The following PHLDB2 variants were observed in gnomAD, a reference collection of about 807,000 sequenced individuals.
The protein encoded by PHLDB2 is pleckstrin homology like domain family B member 2.
Under a neutral mutation model 123.6 loss-of-function variants are expected in PHLDB2, and 71 were observed. The observed-to-expected ratio is 0.57, with a 90% CI of 0.47 to 0.70. PHLDB2 has a LOEUF of 0.70. PHLDB2 is among the 30% of genes least tolerant of loss of function. PHLDB2 has a pLI of 0.00. For synonymous variants in PHLDB2, 547 were observed against 541.6 expected, an observed-to-expected ratio of 1.01 and a Z score of -0.14; for missense variants, 1,446 against 1,519.5, an observed-to-expected ratio of 0.95 and a Z score of 0.80.
chr3:111,912,433 T>C (rs918310620), intron 2 of PHLDB2, among the ~76,000 whole-genome samples: 1 of 152,210 alleles, frequency 6.6e-6, no homozygotes, highest in African/African-American at 2.4e-5. Flanking sequence ...ACCTATGAAT[T>C]TGAGTTACAT....
chr3:111,799,854 A>T (rs2108259864), intron 1 of PHLDB2, among the ~76,000 whole-genome samples: 1 of 152,326 alleles, frequency 6.6e-6, no homozygotes, highest in South Asian at 2.1e-4. Flanking sequence ...AATTAGGGAG[A>T]TCTATAGATA....
intron 13 of PHLDB2, 83 bp from the exon 14 acceptor site, chr3:111,966,530 G>T: frequency 1.9e-6 from 1 of 534,272 alleles, no homozygotes; most frequent in South Asian, 2.5e-5. Context: ...TGTCTGGGGT[G>T]TGTGTGTGTG....
intron 1 of PHLDB2, among the ~76,000 whole-genome samples, chr3:111,737,214 G>C (rs1347049478): frequency 6.6e-6 from 1 of 152,174 alleles, no homozygotes; most frequent in Non-Finnish European, 1.5e-5. Flanking sequence ...GCATCTGGAG[G>C]AGATCCAGTG....
intron 5 of PHLDB2, among the ~76,000 whole-genome samples, chr3:111,924,874 G>T (rs900380218): frequency 1.3e-5 from 2 of 152,144 alleles, no homozygotes; most frequent in African/African-American, 4.8e-5. Flanking sequence ...TGTTGCCCAG[G>T]CTGGAGTGCA....
At chr3:111,860,064 C>T (rs534304757) in intron 1 of PHLDB2, among the ~76,000 whole-genome samples, 33 of 151,872 alleles carry the variant, frequency 2.2e-4, no homozygotes, top group Non-Finnish European at 3.8e-4. Context: ...GAGGGAGTGT[C>T]TGGTAGGGAA....
At chr3:111,750,096 G>A (rs1465556926) in intron 1 of PHLDB2, among the ~76,000 whole-genome samples, 1 of 152,184 alleles carries the variant, frequency 6.6e-6, no homozygotes, top group Non-Finnish European at 1.5e-5. Context: ...GGGGTTATAT[G>A]AGTACCCAAC....
At chr3:111,834,023 A>ATATATATAATTTATGTAATAGAAT (rs2063216616) in intron 1 of PHLDB2, among the ~76,000 whole-genome samples, 2 of 108,072 alleles carry the variant, frequency 1.9e-5, no homozygotes, top group Admixed American at 2.4e-4. Context: ...TAATAGAATT[A>ATATATATAATTTATGTAATAGAAT]TATATATAAT....
At chr3:111,849,298 G>C (rs1276576035) in intron 2 of PHLDB2, among the ~76,000 whole-genome samples, 1 of 152,082 alleles carries the variant, frequency 6.6e-6, no homozygotes, top group Non-Finnish European at 1.5e-5. Flanking sequence ...AGTCTCCAGA[G>C]TAGGTAAGAC....
At chr3:111,740,506 A>G (rs1284893578) in intron 1 of PHLDB2, among the ~76,000 whole-genome samples, 1 of 152,096 alleles carries the variant, frequency 6.6e-6, no homozygotes, top group African/African-American at 2.4e-5. Context: ...TTTCTGCTTT[A>G]CTCCACAAAA....
chr3:111,936,423 T>G (rs2069495804), intron 6 of PHLDB2, among the ~76,000 whole-genome samples: 1 of 152,214 alleles, frequency 6.6e-6, no homozygotes, highest in Admixed American at 6.5e-5. Context: ...TTCCCAGACT[T>G]CTTATTCATA....
At chr3:111,809,410 C>T (rs141778641) in intron 1 of PHLDB2, among the ~76,000 whole-genome samples, 2 of 152,312 alleles carry the variant, frequency 1.3e-5, no homozygotes, top group African/African-American at 4.8e-5. Context: ...GTCTCCAAGC[C>T]TGTGGTTCTA....
At chr3:111,941,802 G>A (rs995748836) in intron 8 of PHLDB2, among the ~76,000 whole-genome samples, 2 of 95,818 alleles carry the variant, frequency 2.1e-5, no homozygotes, top group Admixed American at 2.1e-4. Context: ...GTGAGACCCT[G>A]TCTCAAAAAA....
At chr3:111,803,758 A>G (rs1386512011) in intron 1 of PHLDB2, among the ~76,000 whole-genome samples, 1 of 152,220 alleles carries the variant, frequency 6.6e-6, no homozygotes. Flanking sequence ...TAAAAAATGG[A>G]TATAACAATT....
chr3:111,778,070 A>G lies in PHLDB2; in HGVS notation c.-49+45367A>G, dbSNP rs150477739. Among the ~76,000 whole-genome samples the G allele has an allele frequency of 4.2e-3, 646 of 152,208 alleles. 1 individual carries two copies. Among genetic ancestry groups the G allele is most frequent in the African/African-American group, 0.015 (622 of 41,556 alleles). On this transcript the variant is annotated intron_variant, in intron 1 of 17. Transcript: ENST00000393923. ...AACCTACTGCCCCTTGGGCACTCAT[A>G]CAACCTCTCTGTAGGTCTTCATTTT...
intron 2 of PHLDB2, among the ~76,000 whole-genome samples, chr3:111,902,356 G>A (rs2107452576): frequency 6.6e-6 from 1 of 152,278 alleles, no homozygotes; most frequent in Non-Finnish European, 1.5e-5. Flanking sequence ...ACTTTGGGAG[G>A]CCAAGGTGGG....
chr3:111,885,401 A>G lies in PHLDB2; in HGVS notation c.1324A>G (p.Met442Val). 2 of 1,614,180 alleles carry G rather than the reference A, an allele frequency of 1.2e-6. No individual in the cohort carries two copies. Among genetic ancestry groups the G allele is most frequent in the Non-Finnish European group, 1.7e-6 (2 of 1,180,042 alleles). Residue 442 changes from methionine (M) to valine (V), a missense_variant, in exon 2 of 18, where the codon ATG becomes GTG. Met to Val is a conservative substitution (Grantham distance 21). Around this residue, in one of 3 missense-constraint regions of PHLDB2, gnomAD observed 832 missense variants for 831.9 expected, o/e 1.00. Transcript: ENST00000431670. ...GGAGGAAAGACTCAGGGAGCAGGAA[A>G]TGGAGCGATTGGTAATCTTCATCTC... ...QREERLREQE[M>V]ERLERQRLET...
At chr3:111,892,474 C>T (rs2066563245) in intron 2 of PHLDB2, among the ~76,000 whole-genome samples, 1 of 152,044 alleles carries the variant, frequency 6.6e-6, no homozygotes, top group Non-Finnish European at 1.5e-5. Context: ...TTTTTGATAC[C>T]CATTCTTGAC....
At chr3:111,769,586 G>A (rs1261162661) in intron 1 of PHLDB2, among the ~76,000 whole-genome samples, 1 of 152,186 alleles carries the variant, frequency 6.6e-6, no homozygotes, top group Admixed American at 6.5e-5. Flanking sequence ...CTGATAGCAA[G>A]TTTAAGAAGG....
At chr3:111,764,782 T>A (rs1448044689) in intron 1 of PHLDB2, among the ~76,000 whole-genome samples, 2 of 152,212 alleles carry the variant, frequency 1.3e-5, no homozygotes, top group Non-Finnish European at 2.9e-5. Context: ...GGTTGCCTCC[T>A]GGAGTTGTGC....
Sources: gnomAD v4.1 joint callset for allele counts (sites outside exome capture counted in the v4.1 genomes callset) on GRCh38, gnomAD v4.1.1 for gene constraint, gnomAD v4.1.1 regional missense constraint, MANE v1.5 for transcripts, NCBI Gene and HGNC (gene_info 2026-07-23, HGNC 2026-07-21) for gene names.